The following MGAM2 variants were observed in gnomAD, a reference collection of about 807,000 sequenced individuals.
The protein encoded by MGAM2 is probable maltase-glucoamylase 2.
A neutral mutation model predicts 96.1 loss-of-function variants in MGAM2; 98 were observed. The observed-to-expected ratio is 1.02, with a 90% confidence interval of 0.87 to 1.21. MGAM2 has a LOEUF of 1.21. MGAM2 is among the 50% of genes most tolerant of loss of function. The pLI is 0.00. For synonymous variants in MGAM2, 749 were observed against 414.8 expected (o/e 1.81, Z -9.79); for missense variants, 2,055 against 1,182.4 (o/e 1.74, Z -10.82).
chr7:142,138,459 C>A lies in MGAM2; in HGVS notation c.961-83C>A, dbSNP rs904683573. The stretch of plus-strand genomic sequence containing the variant: ...TCTAGCAGATTACTCTTAGCTCTGA[C>A]GTTTTCAGCTCTGGGAACTTCACAG... On this transcript the variant is annotated intron_variant, in intron 9 of 47. Transcript: ENST00000477922. The A allele has an allele frequency of 3.0e-5, 19 of 643,482 alleles. No individual in the cohort carries two copies. The African/African-American group carries it at 3.3e-4, about 11-fold the overall frequency. The allele number at this position is 643,482 out of a possible 1,614,324, so 39.9% of individuals were successfully genotyped here. A position where few individuals can be genotyped will look rare whatever the true frequency, so the allele number is the denominator to read the frequency against.
At position 142,197,652 on chromosome 7, in the gene MGAM2, A is replaced by T. The variant is rs747724006; in HGVS notation, c.4790A>T (p.Asp1597Val). 9 of 702,840 alleles carry T rather than the reference A, an allele frequency of 1.3e-5. No homozygotes were observed. The highest frequency in any genetic ancestry group is 2.0e-5 in the Admixed American group (1 of 49,992). 43.5% of individuals were successfully genotyped at this position (702,840 alleles called of 1,614,324 possible). ...VVRPLLHEFTDDRTTWDIDRQ... is the reference protein window; with the variant it reads ...VVRPLLHEFTVDRTTWDIDRQ... ...CTGTTTATTTTTTTAAGGTTTACGG[A>T]TGACAGGACAACATGGGATATAGAC... is the stretch of plus-strand genomic sequence containing the variant. Residue 1597 changes from aspartate to valine, a missense_variant, in exon 42 of 48, where the codon GAT becomes GTT. Coordinates refer to ENST00000477922, the MANE Select transcript of MGAM2 (RefSeq NM_001293626.2).
chr7:142,216,498 C>G (rs1415622781), intron 46 of MGAM2, among the ~76,000 whole-genome samples: 1 of 152,108 alleles, frequency 6.6e-6, no homozygotes, highest in African/African-American at 2.4e-5. Flanking sequence ...AGAAAGATCG[C>G]AACTTTCCTT....
rs1795781181 is a variant in MGAM2 at position 142,157,919 on chromosome 7, C to T, written c.1924-18C>T. The T allele has an allele frequency of 2.8e-6, 2 of 702,020 alleles. No homozygotes were observed. Among genetic ancestry groups the T allele is most frequent in the African/African-American group, 1.7e-5 (1 of 57,334 alleles). 43.5% of individuals were successfully genotyped at this position (702,020 alleles called of 1,614,324 possible). ...TGATGGAAAGAAATATTCAGCCATT[C>T]CTTCCATTTTCTCCTAGGACCAGGA... is the stretch of plus-strand genomic sequence containing the variant. On this transcript the variant is annotated intron_variant, in intron 17 of 47. Coordinates refer to ENST00000477922, the MANE Select transcript of MGAM2 (RefSeq NM_001293626.2).
chr7:142,172,662 A>G lies in MGAM2; in HGVS notation c.3459A>G (p.Leu1153=), dbSNP rs975701249. The change falls in exon 30 of 48, where the codon TTA becomes TTG. Residue 1153 remains leucine (L), a synonymous_variant. Transcript: ENST00000477922. ...TTGTTTTTCTTACAGATGTGACATTACAGCCCACTCCTGCTCTGACATACC... is the reference window on the plus strand; with the variant it reads ...TTGTTTTTCTTACAGATGTGACATTGCAGCCCACTCCTGCTCTGACATACC... ...LLNSNAMDVT[L]QPTPALTYRT... The G allele has an allele frequency of 2.9e-6, 2 of 701,532 alleles. No homozygotes were observed. Among genetic ancestry groups the G allele is most frequent in the Non-Finnish European group, 5.2e-6 (2 of 384,600 alleles). 43.5% of individuals were successfully genotyped at this position (701,532 alleles called of 1,614,324 possible). A position where few individuals can be genotyped will look rare whatever the true frequency, so the allele number is the denominator to read the frequency against.
chr7:142,196,377 A>T, intron 38 of MGAM2, 90 bp downstream of exon 38: 1 of 650,292 alleles, frequency 1.5e-6, no homozygotes, highest in Non-Finnish European at 2.8e-6. Flanking sequence ...CTCTATCATC[A>T]TCTAGGTGGG....
intron 32 of MGAM2, among the ~76,000 whole-genome samples, chr7:142,179,417 G>A (rs970417350): frequency 2.0e-5 from 3 of 152,136 alleles, no homozygotes; most frequent in African/African-American, 7.2e-5. Context: ...ATGAGAGGGG[G>A]CATCCTTGCC....
chr7:142,115,364 T>C (rs1030033878), intron 1 of MGAM2, among the ~76,000 whole-genome samples: 6 of 152,212 alleles, frequency 3.9e-5, no homozygotes, highest in Non-Finnish European at 8.8e-5. Flanking sequence ...GGCAGATGTT[T>C]GGATGGATAG....
intron 32 of MGAM2, among the ~76,000 whole-genome samples, chr7:142,177,928 A>G (rs1251394740): frequency 2.6e-5 from 4 of 152,150 alleles, no homozygotes; most frequent in Non-Finnish European, 5.9e-5. Flanking sequence ...ATTCTTAGTT[A>G]TTTGAGAAAT....
At chr7:142,156,012 G>T (rs141299196) in intron 17 of MGAM2, among the ~76,000 whole-genome samples, 1,847 of 152,232 alleles carry the variant, frequency 0.012, 32 homozygotes, top group African/African-American at 0.041. Context: ...GGGTGTGGTG[G>T]CGCATGCCTG....
chr7:142,203,632 G>C (rs193283094), intron 45 of MGAM2, among the ~76,000 whole-genome samples: 1 of 152,060 alleles, frequency 6.6e-6, no homozygotes, highest in East Asian at 1.9e-4. Context: ...AAATAGCATA[G>C]TACTGGTATA....
intron 8 of MGAM2, among the ~76,000 whole-genome samples, chr7:142,137,007 C>T (rs940984436): frequency 6.6e-6 from 1 of 152,088 alleles, no homozygotes; most frequent in Non-Finnish European, 1.5e-5. Context: ...CACAGCCCAC[C>T]CACACTTTCC....
chr7:142,218,314 A>C (rs944871234), intron 46 of MGAM2, 47 bp from the exon 47 acceptor site: 1 of 584,212 alleles, frequency 1.7e-6, no homozygotes, highest in African/African-American at 1.9e-5. Context: ...ACCATAGTCT[A>C]TCAACAATAT....
chr7:142,222,116 A>G lies in MGAM2; in HGVS notation c.*57A>G. The G allele has an allele frequency of 5.0e-6, 2 of 397,592 alleles. No individual in the cohort carries two copies. Among genetic ancestry groups the G allele is most frequent in the Middle Eastern group, 6.3e-4 (1 of 1,586 alleles). The allele number at this position is 397,592 out of a possible 1,614,324, so 24.6% of individuals were successfully genotyped here. On this transcript the variant is annotated 3_prime_UTR_variant, in exon 48 of 48. Coordinates refer to ENST00000477922, the MANE Select transcript of MGAM2 (RefSeq NM_001293626.2). ...TAACGCCTACAAACAACTATTACAG[A>G]TATAGAAAATCAGTTACGAGACACT...
intron 10 of MGAM2, among the ~76,000 whole-genome samples, chr7:142,139,253 TAA>T (rs1367917681): frequency 2.6e-5 from 4 of 152,218 alleles, no homozygotes; most frequent in African/African-American, 7.2e-5. Context: ...AGATAATTAT[TAA>T]GTGTGTAATA....
intron 15 of MGAM2, among the ~76,000 whole-genome samples, chr7:142,152,674 T>C (rs561514953): frequency 2.0e-5 from 3 of 152,328 alleles, no homozygotes; most frequent in South Asian, 4.1e-4. Flanking sequence ...TCTCAGACCA[T>C]GTATTAGAAA....
At chr7:142,169,780 C>A (rs1017980509) in intron 26 of MGAM2, among the ~76,000 whole-genome samples, 1 of 152,170 alleles carries the variant, frequency 6.6e-6, no homozygotes, top group Admixed American at 6.5e-5. Context: ...CACACACTTA[C>A]AAACATATAC....
chr7:142,192,671 C>G (rs1796906805), intron 37 of MGAM2, among the ~76,000 whole-genome samples: 1 of 152,208 alleles, frequency 6.6e-6, no homozygotes, highest in African/African-American at 2.4e-5. Context: ...AAAAGCTCAA[C>G]TTTCCCATGC....
At chr7:142,178,352 GTTTAT>G in intron 32 of MGAM2, among the ~76,000 whole-genome samples, 1 of 152,152 alleles carries the variant, frequency 6.6e-6, no homozygotes, top group Middle Eastern at 3.4e-3. Flanking sequence ...TGCAGAAGCT[GTTTAT>G]TTTAATTGGA....
chr7:142,193,509 G>C (rs1350113348), intron 37 of MGAM2, among the ~76,000 whole-genome samples: 1 of 152,108 alleles, frequency 6.6e-6, no homozygotes, highest in African/African-American at 2.4e-5. Context: ...GGCATCAGTG[G>C]TCAGTTTTGT....
Sources: allele counts gnomAD v4.1 joint callset (sites outside exome capture counted in the v4.1 genomes callset), GRCh38; gene constraint gnomAD v4.1.1; transcripts MANE v1.5; gene names NCBI Gene and HGNC (gene_info 2026-07-23, HGNC 2026-07-21).